ESYT2: variants seen among roughly 807,000 people sequenced by gnomAD.
The protein encoded by ESYT2 is extended synaptotagmin-2.
In ESYT2, 54 loss-of-function variants were observed where a neutral mutation model predicts 107.2. That is an observed-to-expected ratio of 0.50 (90% CI 0.40 to 0.63). The LOEUF (loss-of-function observed/expected upper bound fraction) is 0.63. Ranked by LOEUF, ESYT2 falls within the 30% of genes least tolerant of loss-of-function variation. ESYT2 has a pLI of 0.00. For missense variants in ESYT2, 1,020 were observed against 1,094.5 expected, an observed-to-expected ratio of 0.93 and a Z score of 0.96; for synonymous variants, 491 against 434.1, an observed-to-expected ratio of 1.13 and a Z score of -1.63.
intron 6 of ESYT2, among the ~76,000 whole-genome samples, chr7:158,775,093 T>C (rs1380129518): frequency 6.6e-6 from 1 of 152,252 alleles, no homozygotes; most frequent in East Asian, 1.9e-4. Context: ...TATTGCAACA[T>C]GTGAGTCACA....
At chr7:158,734,275 G>C (rs1336697160) in intron 22 of ESYT2, 23 bp from the exon 23 acceptor site, 1 of 1,613,972 alleles carries the variant, frequency 6.2e-7, no homozygotes, top group East Asian at 2.2e-5. Context: ...GTGACAGGAA[G>C]GTGGTGACGG....
chr7:158,780,734 C>T (rs892804914), intron 6 of ESYT2, among the ~76,000 whole-genome samples: 2 of 152,048 alleles, frequency 1.3e-5, no homozygotes, highest in South Asian at 2.1e-4. Flanking sequence ...GCAGGAATTG[C>T]GGAAGGAAAG....
At chr7:158,808,538 T>C (rs1839899922) in intron 1 of ESYT2, among the ~76,000 whole-genome samples, 1 of 152,240 alleles carries the variant, frequency 6.6e-6, no homozygotes, top group South Asian at 2.1e-4. Flanking sequence ...CTAAGTATCA[T>C]ACGCTGAGGT....
At chr7:158,804,748 A>G (rs1839775801) in intron 1 of ESYT2, among the ~76,000 whole-genome samples, 1 of 151,964 alleles carries the variant, frequency 6.6e-6, no homozygotes, top group Admixed American at 6.5e-5. Flanking sequence ...TGATAAACCC[A>G]AACTGCCGAG....
intron 13 of ESYT2, among the ~76,000 whole-genome samples, chr7:158,753,599 A>ATT (rs775077906): frequency 9.6e-4 from 128 of 132,816 alleles, no homozygotes; most frequent in South Asian, 6.2e-3. Flanking sequence ...TAAATGTTTA[A>ATT]TTTTTTTTTT....
At chr7:158,791,086 C>CA (rs1338441168) in intron 4 of ESYT2, among the ~76,000 whole-genome samples, 2 of 152,192 alleles carry the variant, frequency 1.3e-5, no homozygotes, top group African/African-American at 4.8e-5. Flanking sequence ...ACTCTCCCCC[C>CA]ATTAAACACT....
intron 6 of ESYT2, among the ~76,000 whole-genome samples, chr7:158,783,184 G>A (rs1460335434): frequency 6.6e-6 from 1 of 152,102 alleles, no homozygotes; most frequent in Non-Finnish European, 1.5e-5. Context: ...GAACGTGTAC[G>A]GCACTCCAAG....
chr7:158,790,395 G>A (rs187975608), intron 4 of ESYT2, among the ~76,000 whole-genome samples: 1 of 152,312 alleles, frequency 6.6e-6, no homozygotes, highest in African/African-American at 2.4e-5. Flanking sequence ...CACACAGCGT[G>A]TTGTGAGGCC....
At chr7:158,737,264 T>C (rs1836995423) in intron 19 of ESYT2, 85 bp from the exon 20 acceptor site, 2 of 1,490,958 alleles carry the variant, frequency 1.3e-6, no homozygotes, top group Non-Finnish European at 1.8e-6. Flanking sequence ...TTATCAAGCT[T>C]TGATTTCATG....
intron 13 of ESYT2, among the ~76,000 whole-genome samples, chr7:158,758,821 A>T (rs1426246105): frequency 6.6e-6 from 1 of 152,228 alleles, no homozygotes; most frequent in East Asian, 1.9e-4. Context: ...CACAAGATGG[A>T]ATTAGTAAGA....
At chr7:158,740,547 C>T (rs1002363434) in intron 18 of ESYT2, among the ~76,000 whole-genome samples, 1 of 152,044 alleles carries the variant, frequency 6.6e-6, no homozygotes, top group African/African-American at 2.4e-5. Flanking sequence ...ACTGCAGCGC[C>T]CTTCCTTCCA....
intron 6 of ESYT2, among the ~76,000 whole-genome samples, chr7:158,782,297 C>G (rs60998905): frequency 1.2e-5 from 1 of 85,752 alleles, no homozygotes; most frequent in Non-Finnish European, 2.6e-5. Context: ...ATGTGTGAAA[C>G]AAGTGAACAA....
chr7:158,767,540 T>G (rs1216390558), intron 8 of ESYT2, 114 bp downstream of exon 8: 3 of 1,417,166 alleles, frequency 2.1e-6, no homozygotes, highest in African/African-American at 1.4e-5. Context: ...AAGACCCGTG[T>G]GGCAAGCTGG....
intron 1 of ESYT2, chr7:158,827,464 C>G (rs561788808): frequency 6.6e-6 from 1 of 152,166 alleles, no homozygotes; most frequent in Non-Finnish European, 1.5e-5. Flanking sequence ...TTCCCCACCT[C>G]GGTTCCTCTT....
chr7:158,775,554 C>G (rs977880316), intron 6 of ESYT2, among the ~76,000 whole-genome samples: 2 of 152,120 alleles, frequency 1.3e-5, no homozygotes, highest in Non-Finnish European at 2.9e-5. Context: ...CTCAGGAAAC[C>G]ACTTTCTTTG....
At chr7:158,788,898 ACAT>A (rs1839193964) in intron 4 of ESYT2, among the ~76,000 whole-genome samples, 1 of 152,240 alleles carries the variant, frequency 6.6e-6, no homozygotes, top group Non-Finnish European at 1.5e-5. Flanking sequence ...GGCCTCTATA[ACAT>A]CAAAGACTAG....
intron 3 of ESYT2, among the ~76,000 whole-genome samples, chr7:158,795,918 C>A (rs752646610): frequency 1.3e-5 from 2 of 152,212 alleles, no homozygotes; most frequent in Non-Finnish European, 2.9e-5. Context: ...CGTAAGGCTG[C>A]ACAGGAGGCA....
chr7:158,810,028 A>G (rs939605432), intron 1 of ESYT2, among the ~76,000 whole-genome samples: 6 of 152,252 alleles, frequency 3.9e-5, no homozygotes, highest in African/African-American at 1.4e-4. Flanking sequence ...CCTTTTAACA[A>G]CAAGTTTTGA....
At chr7:158,751,440 A>C (rs894183537) in intron 14 of ESYT2, among the ~76,000 whole-genome samples, 1 of 152,242 alleles carries the variant, frequency 6.6e-6, no homozygotes, top group Non-Finnish European at 1.5e-5. Flanking sequence ...AAAGGGACAA[A>C]GTATAATAAA....
Sources: gnomAD v4.1 joint callset for allele counts (sites outside exome capture counted in the v4.1 genomes callset) on GRCh38, gnomAD v4.1.1 for gene constraint, MANE v1.5 for transcripts, NCBI Gene and HGNC (gene_info 2026-07-23, HGNC 2026-07-21) for gene names.